The following IL18R1 variants were observed in gnomAD, a reference collection of about 807,000 sequenced individuals.
IL18R1 encodes interleukin-18 receptor 1.
Under a neutral mutation model 48.5 loss-of-function variants are expected in IL18R1, and 40 were observed. That is an observed-to-expected ratio of 0.82 (90% confidence interval 0.64 to 1.07). The LOEUF is 1.07. Ranked by LOEUF, IL18R1 falls within the 50% of genes least tolerant of loss-of-function variation. The pLI, the probability that IL18R1 is intolerant of heterozygous loss-of-function variation, is 0.00. For synonymous variants in IL18R1, 232 were observed against 225.9 expected, an observed-to-expected ratio of 1.03 and a Z score of -0.24; for missense variants, 596 against 633.7, an observed-to-expected ratio of 0.94 and a Z score of 0.64.
intron 1 of IL18R1, 53 bp from the exon 2 acceptor site, chr2:102,362,580 G>T (rs1678640435): frequency 3.3e-6 from 4 of 1,207,658 alleles, no homozygotes; most frequent in African/African-American, 3.1e-5. Context: ...TCATAAGATA[G>T]GCACACTTTT....
At chr2:102,396,419 C>G in intron 10 of IL18R1, 112 bp from the exon 11 acceptor site, 1 of 578,740 alleles carries the variant, frequency 1.7e-6, no homozygotes, top group Non-Finnish European at 3.0e-6. Context: ...TAAAGAAAAA[C>G]TTATTAGTGA....
rs1249459395 is a variant in IL18R1 at position 102,397,677 on chromosome 2, G to C, written c.*791G>C. On this transcript the variant is annotated 3_prime_UTR_variant, in exon 11 of 11. Coordinates refer to ENST00000233957, the MANE Select transcript of IL18R1 (RefSeq NM_003855.5). ...AATGTTTATATCAAAATGTTTGCCA[G>C]GTTGTATTAGCCATTGAATAGCAAA... 1 of 152,380 alleles carries C rather than the reference G, an allele frequency of 6.6e-6. No individual in the cohort carries two copies. The allele number at this position is 152,380 out of a possible 1,614,324, so 9.4% of individuals were successfully genotyped here.
In IL18R1 at chr2:102,356,818, T is replaced by C. The variant is rs184746341; in HGVS notation, c.-29+418T>C. Among the ~76,000 whole-genome samples, 13 of 151,198 alleles carry C rather than the reference T, an allele frequency of 8.6e-5. No individual in the cohort carries two copies. The East Asian group carries it at 2.2e-3, about 25-fold the overall frequency. ...TACCCAAGAGTATCCAGCTACTAAG[T>C]AGTAGATCCCAGATCCACACCTACA... On this transcript the variant is annotated intron_variant, in intron 1 of 10. Coordinates refer to ENST00000233957, the MANE Select transcript of IL18R1 (RefSeq NM_003855.5).
At chr2:102,382,759 A>G (rs1679993123) in intron 6 of IL18R1, among the ~76,000 whole-genome samples, 1 of 152,202 alleles carries the variant, frequency 6.6e-6, no homozygotes, top group South Asian at 2.1e-4. Context: ...ACATGGGCCC[A>G]GTGCAGCTGG....
At chr2:102,386,376 G>A (rs1017429967) in intron 7 of IL18R1, among the ~76,000 whole-genome samples, 2 of 152,196 alleles carry the variant, frequency 1.3e-5, no homozygotes, top group Non-Finnish European at 2.9e-5. Flanking sequence ...CATGTGCCTC[G>A]GGGTGCTTGA....
In IL18R1 at chr2:102,398,337, G is replaced by T. The variant is rs1180200221; in HGVS notation, c.*1451G>T. 1 of 152,340 alleles carries T rather than the reference G, an allele frequency of 6.6e-6. No individual in the cohort carries two copies. 9.4% of individuals were successfully genotyped at this position (152,340 alleles called of 1,614,324 possible). A position where few individuals can be genotyped will look rare whatever the true frequency, so the allele number is the denominator to read the frequency against. On this transcript the variant is annotated 3_prime_UTR_variant, in exon 11 of 11. Transcript: ENST00000233957. ...GACTGTGAAACCGTCAGTTCGGAAG[G>T]CTGGTTAGAACATGTGGGAGCAACA...
chr2:102,356,698 T>G (rs536190406), intron 1 of IL18R1, among the ~76,000 whole-genome samples: 30 of 152,288 alleles, frequency 2.0e-4, no homozygotes, highest in African/African-American at 6.5e-4. Flanking sequence ...GTAGAAAATT[T>G]TTAGATATCT....
intron 8 of IL18R1, among the ~76,000 whole-genome samples, chr2:102,388,189 G>T (rs1169786617): frequency 1.3e-5 from 2 of 152,134 alleles, no homozygotes; most frequent in Non-Finnish European, 2.9e-5. Flanking sequence ...CCCAGGGGCA[G>T]CTCCCCCAGC....
At position 102,386,875 on chromosome 2, in the gene IL18R1, A is replaced by G; in HGVS notation, c.824A>G (p.Lys275Arg). ...KEMRIMTPEG[K>R]WHASKVLRIE... is the part of the protein sequence containing the mutation. ...CCCTCTTACAGGACTCCAGAAGGCA[A>G]ATGGCATGCTTCAAAAGTATTGAGA... Residue 275 changes from lysine (K) to arginine (R), a missense_variant, in exon 8 of 11, where the codon AAA becomes AGA. Transcript: ENST00000233957. The G allele has an allele frequency of 6.2e-7, 1 of 1,614,236 alleles. No homozygotes were observed. The highest frequency in any genetic ancestry group is 8.5e-7 in the Non-Finnish European group (1 of 1,180,038).
chr2:102,361,279 A>T (rs1172393625), intron 1 of IL18R1, among the ~76,000 whole-genome samples: 1 of 152,332 alleles, frequency 6.6e-6, no homozygotes, highest in South Asian at 2.1e-4. Context: ...ACCCAGTCTA[A>T]TTTGATTATG....
chr2:102,363,488 C>A (rs1284488109), intron 2 of IL18R1, among the ~76,000 whole-genome samples: 4 of 152,224 alleles, frequency 2.6e-5, no homozygotes, highest in East Asian at 3.9e-4. Context: ...TGCAATGGAA[C>A]CCTACCCAGA....
chr2:102,396,497 T>C (rs1421142230), intron 10 of IL18R1, 34 bp from the exon 11 acceptor site: 45 of 1,280,674 alleles, frequency 3.5e-5, no homozygotes, highest in Non-Finnish European at 4.9e-5. Context: ...CTTTCAGTTA[T>C]CTTAAATTAA....
chr2:102,396,688 T>C lies in IL18R1; in HGVS notation c.1428T>C (p.Phe476=). 6.2e-7 allele frequency: 1 copy of C among 1,614,074 alleles called. No individual in the cohort carries two copies. Among genetic ancestry groups the C allele is most frequent in the Non-Finnish European group, 8.5e-7 (1 of 1,179,906 alleles). ...AAATTAAAATAATCTTAATTGAATT[T>C]ACACCTGTTACTGACTTCACATTCT... The part of the protein sequence containing the change: ...ERKIKIILIE[F]TPVTDFTFLP... Residue 476 remains phenylalanine, a synonymous_variant, in exon 11 of 11, where the codon TTT becomes TTC. Coordinates refer to ENST00000233957, the MANE Select transcript of IL18R1 (RefSeq NM_003855.5).
At chr2:102,371,088 C>T (rs1374896945) in intron 3 of IL18R1, among the ~76,000 whole-genome samples, 1 of 149,930 alleles carries the variant, frequency 6.7e-6, no homozygotes, top group African/African-American at 2.5e-5. Flanking sequence ...TGGAATTTCG[C>T]TCTTGTTACC....
chr2:102,369,006 T>C lies in IL18R1; in HGVS notation c.302+938T>C, dbSNP rs1204226624. On this transcript the variant is annotated intron_variant, in intron 3 of 10. Coordinates refer to ENST00000233957, the MANE Select transcript of IL18R1 (RefSeq NM_003855.5). ...GGTCATTTTTGTTTGTTTTTATACA[T>C]AGGAACTCCCAGGCATCAGAAAAAA... Among the ~76,000 whole-genome samples the C allele has an allele frequency of 6.6e-5, 10 of 152,264 alleles. 1 individual carries two copies. In the South Asian group the frequency reaches 2.1e-3, roughly 32 times the overall value.
At chr2:102,377,575 C>G (rs867391957) in intron 5 of IL18R1, among the ~76,000 whole-genome samples, 5 of 152,244 alleles carry the variant, frequency 3.3e-5, no homozygotes, top group Admixed American at 6.5e-5. Flanking sequence ...CTTGGTCTCC[C>G]AAAGTACTGG....
chr2:102,394,426 T>C, intron 9 of IL18R1, 43 bp from the exon 10 acceptor site: 2 of 1,500,934 alleles, frequency 1.3e-6, no homozygotes, highest in Non-Finnish European at 1.8e-6. Flanking sequence ...TTAAATAAAA[T>C]TTTATTTACA....
At position 102,393,369 on chromosome 2, in the gene IL18R1, T is replaced by C. The variant is rs117034399; in HGVS notation, c.1112-1100T>C. Among the ~76,000 whole-genome samples the C allele has an allele frequency of 1.1e-4, 16 of 152,348 alleles. No individual in the cohort carries two copies. In the East Asian group the frequency reaches 3.1e-3, roughly 29 times the overall value. On this transcript the variant is annotated intron_variant, in intron 9 of 10. Coordinates refer to ENST00000233957, the MANE Select transcript of IL18R1 (RefSeq NM_003855.5). ...AATTTTTACCAACATTTTTCATCTTTCAATGCATGCAATTCTGCAAAGCAA... is the reference window on the plus strand; with the variant it reads ...AATTTTTACCAACATTTTTCATCTTCCAATGCATGCAATTCTGCAAAGCAA...
Position 102,376,009 on chromosome 2 carries a change from C to T in IL18R1, c.571C>T (p.His191Tyr), listed in dbSNP as rs748855104. Residue 191 changes from histidine (H) to tyrosine (Y), a missense_variant, in exon 5 of 11, where the codon CAT becomes TAT. By Grantham distance (83) the His-to-Tyr change is moderately conservative (BLOSUM62 2). Around this residue, in one of 3 missense-constraint regions of IL18R1, gnomAD observed 360 missense variants for 339.4 expected, o/e 1.06. Coordinates refer to ENST00000233957, the MANE Select transcript of IL18R1 (RefSeq NM_003855.5). Reference sequence around the variant, plus strand: ...TTACTCCTGCGTGCATTTCCTTCATCATAATGGAAAACTATTTAATATCAC... The same window carrying T: ...TTACTCCTGCGTGCATTTCCTTCATTATAATGGAAAACTATTTAATATCAC... Reference protein sequence around the residue: ...GYYSCVHFLHHNGKLFNITKT... With the variant: ...GYYSCVHFLHYNGKLFNITKT... 2.5e-6 allele frequency: 4 copies of T among 1,604,806 alleles called. No individual in the cohort carries two copies. Among genetic ancestry groups the T allele is most frequent in the Non-Finnish European group, 1.7e-6 (2 of 1,176,604 alleles).
Sources: allele counts gnomAD v4.1 joint callset (sites outside exome capture counted in the v4.1 genomes callset), GRCh38; gene constraint gnomAD v4.1.1; regional missense constraint gnomAD v4.1.1; transcripts MANE v1.5; gene names NCBI Gene and HGNC (gene_info 2026-07-23, HGNC 2026-07-21).